The following ZCCHC8 variants were observed in gnomAD, a reference collection of about 807,000 sequenced individuals.
ZCCHC8 encodes zinc finger CCHC-type containing 8, also known as zinc finger CCHC domain-containing protein 8.
Under a neutral mutation model 70.6 loss-of-function variants are expected in ZCCHC8, and 27 were observed. The ratio of observed to expected loss-of-function variants is 0.38; its 90% confidence interval spans 0.28 to 0.53. ZCCHC8 has a LOEUF of 0.53. Among genes scored for constraint, ZCCHC8 ranks in the 20% least tolerant of loss-of-function variants. The probability of loss-of-function intolerance (pLI) is 0.81; values close to 1 mark genes in which losing one functional copy is unlikely to be tolerated. For synonymous variants in ZCCHC8, 293 were observed against 317.4 expected, an observed-to-expected ratio of 0.92 and a Z score of 0.82; for missense variants, 737 against 876.9, an observed-to-expected ratio of 0.84 and a Z score of 2.01.
chr12:122,489,592 G>T, intron 4 of ZCCHC8, 129 bp from the exon 5 acceptor site: 2 of 837,118 alleles, frequency 2.4e-6, no homozygotes, highest in Non-Finnish European at 3.9e-6. Context: ...AATGGAAGAT[G>T]TAAAAGGAGA....
At position 122,473,615 on chromosome 12, in the gene ZCCHC8, C is replaced by T; in HGVS notation, c.2006G>A (p.Gly669Glu). The change falls in exon 14 of 14, where the codon GGA (glycine) becomes GAA (glutamate). Residue 669 changes from glycine to glutamate, a missense_variant. Gly to Glu is a moderately conservative substitution (Grantham distance 98). Coordinates refer to ENST00000633063, the MANE Select transcript of ZCCHC8 (RefSeq NM_017612.5). The stretch of plus-strand genomic sequence containing the variant: ...ATTCTCAAATTCAAATGGCGTGATT[C>T]CAGTTGCAAATTTGCTCATGTCAGG... ...PIPDMSKFAT[G>E]ITPFEFENMA... 1.2e-6 allele frequency: 2 copies of T among 1,613,880 alleles called. No individual in the cohort carries two copies. The highest frequency in any genetic ancestry group is 1.7e-6 in the Non-Finnish European group (2 of 1,179,894).
At chr12:122,497,175 T>G (rs1415545385) in intron 2 of ZCCHC8, among the ~76,000 whole-genome samples, 2 of 151,968 alleles carry the variant, frequency 1.3e-5, no homozygotes, top group African/African-American at 4.8e-5. Flanking sequence ...ATCTGAAATA[T>G]TTCTAAATTC....
At chr12:122,480,626 C>T (rs1357357567) in intron 10 of ZCCHC8, 1 of 192,124 alleles carries the variant, frequency 5.2e-6, no homozygotes, top group African/African-American at 2.4e-5. Flanking sequence ...AACGCACAAC[C>T]ACACCAGGGT....
chr12:122,475,984 C>A (rs1323841694), intron 13 of ZCCHC8, among the ~76,000 whole-genome samples: 1 of 152,180 alleles, frequency 6.6e-6, no homozygotes, highest in Admixed American at 6.6e-5. Flanking sequence ...TTGGTAAATC[C>A]CTGCATTCAT....
intron 2 of ZCCHC8, among the ~76,000 whole-genome samples, chr12:122,498,278 G>A (rs1298844003): frequency 2.0e-5 from 3 of 151,542 alleles, no homozygotes; most frequent in Non-Finnish European, 4.4e-5. Context: ...GGGATTACAG[G>A]CGCCCACCAC....
At chr12:122,476,338 T>C (rs770181195) in intron 13 of ZCCHC8, among the ~76,000 whole-genome samples, 1 of 151,368 alleles carries the variant, frequency 6.6e-6, no homozygotes, top group African/African-American at 2.4e-5. Context: ...CGGTGGCTCA[T>C]GCCAGTAACA....
Position 122,474,044 on chromosome 12 carries a change from C to T in ZCCHC8, c.1577G>A (p.Arg526Gln), listed in dbSNP as rs777488485. Residue 526 changes from arginine to glutamine, a missense_variant, in exon 14 of 14, where the codon CGG becomes CAG. Transcript: ENST00000633063. ...TLEELEEQQR[R>Q]IWAALEQAES... ...GGCCTGCTCAAGAGCTGCCCAGATC[C>T]GCCTCTGCTGTTCTTCAAGTTCTTC... 15 of 1,528,774 alleles carry T rather than the reference C, an allele frequency of 9.8e-6. No individual in the cohort carries two copies. Among genetic ancestry groups the T allele is most frequent in the Admixed American group, 6.6e-5 (3 of 45,632 alleles). 94.7% of individuals were successfully genotyped at this position (1,528,774 alleles called of 1,614,324 possible).
Position 122,481,855 on chromosome 12 carries a change from T to C in ZCCHC8, c.875+90A>G, listed in dbSNP as rs1957542149. ...ACCTAGGGCTTTGCCAGAGTACACT[T>C]ATATCCTGATAATTAGCCCAAAGAG... On this transcript the variant is annotated intron_variant, in intron 9 of 13. Transcript: ENST00000633063. 2.7e-6 allele frequency: 4 copies of C among 1,496,882 alleles called. No individual in the cohort carries two copies. In the Admixed American group the frequency reaches 9.0e-5, roughly 34 times the overall value. The allele number at this position is 1,496,882 out of a possible 1,614,324, so 92.7% of individuals were successfully genotyped here.
chr12:122,476,015 G>A (rs1362405409), intron 13 of ZCCHC8, among the ~76,000 whole-genome samples: 1 of 152,152 alleles, frequency 6.6e-6, no homozygotes, highest in East Asian at 1.9e-4. Context: ...GCAGTTCAAA[G>A]TTACCCTATG....
At chr12:122,489,068 A>G (rs1331302243) in intron 5 of ZCCHC8, among the ~76,000 whole-genome samples, 1 of 152,162 alleles carries the variant, frequency 6.6e-6, no homozygotes, top group Non-Finnish European at 1.5e-5. Context: ...TTAGCTATCT[A>G]TCCCTCTCAG....
At chr12:122,486,011 G>A (rs145178970) in intron 5 of ZCCHC8, among the ~76,000 whole-genome samples, 37 of 152,256 alleles carry the variant, frequency 2.4e-4, no homozygotes, top group African/African-American at 7.5e-4. Context: ...TCCAGTCTCA[G>A]TACCAGTTTC....
chr12:122,494,316 G>A (rs576112120), intron 2 of ZCCHC8, among the ~76,000 whole-genome samples: 1 of 152,048 alleles, frequency 6.6e-6, no homozygotes, highest in Non-Finnish European at 1.5e-5. Flanking sequence ...CACTTTGGGA[G>A]GCAGAGGCGG....
At chr12:122,499,981 C>T (rs1440867855) in intron 1 of ZCCHC8, 1 of 152,138 alleles carries the variant, frequency 6.6e-6, no homozygotes, top group Non-Finnish European at 1.5e-5. Flanking sequence ...ACTAGCAAAT[C>T]AAGAAAAATC....
At position 122,485,275 on chromosome 12, in the gene ZCCHC8, C is replaced by T. The variant is rs573793956; in HGVS notation, c.502-1712G>A. ...GATTACAGGCATGCACCACCACACC[C>T]GGCTAATTTTGTATTTTTAGTAGAG... On this transcript the variant is annotated intron_variant, in intron 5 of 13. Transcript: ENST00000633063. Among the ~76,000 whole-genome samples the T allele has an allele frequency of 3.7e-4, 56 of 152,096 alleles. No homozygotes were observed. In the South Asian group the frequency reaches 8.1e-3, roughly 22 times the overall value.
chr12:122,473,546 A>C lies in ZCCHC8; in HGVS notation c.2075T>G (p.Leu692Ter). 1.2e-6 allele frequency: 2 copies of C among 1,613,984 alleles called. No individual in the cohort carries two copies. The highest frequency in any genetic ancestry group is 1.7e-6 in the Non-Finnish European group (2 of 1,179,876). The change falls in exon 14 of 14, where the codon TTA becomes TGA. Residue 692 changes from leucine to a stop codon, truncating the protein, a stop_gained. Transcript: ENST00000633063. LOFTEE classifies it high-confidence loss of function. ...TGMYLRIRSLLKNSPRNQQKN... is the reference protein window; with the variant it reads ...TGMYLRIRSL ...CTGCTGGTTTCGGGGTGAGTTCTTT[A>C]ACAAGCTTCTTATCCTGAGGTACAT...
Position 122,500,805 on chromosome 12 carries a change from G to A in ZCCHC8, c.36C>T (p.Leu12=), listed in dbSNP as rs1291539866. Residue 12 remains leucine, a synonymous_variant, in exon 1 of 14, where the codon CTC becomes CTT. Coordinates refer to ENST00000633063, the MANE Select transcript of ZCCHC8 (RefSeq NM_017612.5). The surrounding 1 kb of genome is among the most constrained non-coding windows in gnomAD (Gnocchi z 4.8). ...CCTCTGGGTGGTCGAACGGCTCGAA[G>A]AGCTCTAGATCGCCAAAATACACCT... ...AAEVYFGDLE[L]FEPFDHPEES... 1 of 1,580,392 alleles carries A rather than the reference G, an allele frequency of 6.3e-7. No individual in the cohort carries two copies.
rs1252700507 is a variant in ZCCHC8 at position 122,487,630 on chromosome 12, T to C, written c.501+1756A>G. ...GAACTTTCTAAAGGTTGAGTTGAAA[T>C]GTACCTTCTTGTACTCAATTCAATC... On this transcript the variant is annotated intron_variant, in intron 5 of 13. Coordinates refer to ENST00000633063, the MANE Select transcript of ZCCHC8 (RefSeq NM_017612.5). 3.9e-5 allele frequency among the ~76,000 whole-genome samples: 6 copies of C among 152,344 alleles called. No homozygotes were observed. In the East Asian group the frequency reaches 9.6e-4, roughly 24 times the overall value.
intron 2 of ZCCHC8, among the ~76,000 whole-genome samples, chr12:122,493,248 T>C (rs1452046837): frequency 1.3e-5 from 2 of 152,202 alleles, no homozygotes; most frequent in African/African-American, 4.8e-5. Context: ...TTTTCACCAA[T>C]TCTATCTACT....
At chr12:122,484,915 T>C (rs1281129529) in intron 5 of ZCCHC8, among the ~76,000 whole-genome samples, 1 of 152,176 alleles carries the variant, frequency 6.6e-6, no homozygotes, top group Non-Finnish European at 1.5e-5. Context: ...TTCTAGGACA[T>C]GCTTCTCCGT....
Sources: gnomAD v4.1 joint callset for allele counts (sites outside exome capture counted in the v4.1 genomes callset) on GRCh38, gnomAD v4.1.1 for gene constraint, Gnocchi (gnomAD v3.1) non-coding constraint, MANE v1.5 for transcripts, NCBI Gene and HGNC (gene_info 2026-07-23, HGNC 2026-07-21) for gene names.